The following RBIS variants were observed in gnomAD, a reference collection of about 807,000 sequenced individuals.
The protein encoded by RBIS is ribosome biogenesis factor identified in screen.
A neutral mutation model predicts 9.8 loss-of-function variants in RBIS; 9 were observed. The observed-to-expected ratio is 0.92, with a 90% CI of 0.56 to 1.61. The LOEUF is 1.61. RBIS is among the 40% of genes most tolerant of loss of function. The pLI is 0.00. For synonymous variants in RBIS, 35 were observed against 37.9 expected (o/e 0.92, Z 0.28); for missense variants, 103 against 116.0 (o/e 0.89, Z 0.51).
intron 2 of RBIS, chr8:85,216,448 AG>A (rs550439739): frequency 1.7e-4 from 26 of 152,356 alleles, no homozygotes; most frequent in African/African-American, 6.0e-4. Context: ...TAAAAGTTCT[AG>A]TACCTCCTGT....
rs746420426 is a variant in RBIS, at chr8:85,217,431, A to G, written c.69T>C (p.Phe23=). ...CTGGTTTTGCTTTGTTTTTAGCCTT[A>G]AAGTTTTTTTGGCTGGCTATGTGAA... ...NVFHIASQKN[F]KAKNKAKPVT... is the part of the protein sequence containing the mutation. The change falls in exon 2 of 4, where the codon TTT becomes TTC. Residue 23 remains phenylalanine (F), a synonymous_variant. Transcript: ENST00000619594. 2.2e-5 allele frequency: 36 copies of G among 1,612,752 alleles called. No homozygotes were observed. The South Asian group carries it at 3.2e-4, about 14-fold the overall frequency.
chr8:85,217,800 C>G, intron 1 of RBIS: 1 of 354,072 alleles, frequency 2.8e-6, no homozygotes, highest in Non-Finnish European at 5.2e-6. Flanking sequence ...TTATTCTCAG[C>G]AGTACCTCAC....
chr8:85,214,528 CTTTGTGGAGAATTA>C lies in RBIS; in HGVS notation c.*18_*31del. On this transcript the variant is annotated 3_prime_UTR_variant, in exon 4 of 4. Coordinates refer to ENST00000619594, the MANE Select transcript of RBIS (RefSeq NM_001099673.3). ...TGTATAAAACATTCAATTTATTGGT[CTTTGTGGAGAATTA>C]GATGCATCACCAGTATATTACAACA... is the stretch of plus-strand genomic sequence containing the variant. The C allele has an allele frequency of 7.3e-7, 1 of 1,377,534 alleles. No individual in the cohort carries two copies. The highest frequency in any genetic ancestry group is 1.0e-6 in the Non-Finnish European group (1 of 973,510). 85.3% of individuals were successfully genotyped at this position (1,377,534 alleles called of 1,614,324 possible).
At chr8:85,215,171 T>G (rs1813090237) in intron 2 of RBIS, 134 bp from the exon 3 acceptor site, 1 of 462,428 alleles carries the variant, frequency 2.2e-6, no homozygotes, top group Non-Finnish European at 3.8e-6. Context: ...TCAAAAATTC[T>G]TATAGTCTTA....
Position 85,214,410 on chromosome 8 carries a change from C to T in RBIS, c.*150G>A. 3 of 644,322 alleles carry T rather than the reference C, an allele frequency of 4.7e-6. No homozygotes were observed. The highest frequency in any genetic ancestry group is 8.3e-6 in the Non-Finnish European group (3 of 362,272). The allele number at this position is 644,322 out of a possible 1,614,324, so 39.9% of individuals were successfully genotyped here. The stretch of plus-strand genomic sequence containing the variant: ...CACATTTTGTTGACTTCTGACATTC[C>T]ACTTTCCTAGGTTATAGGAAAGATC... On this transcript the variant is annotated 3_prime_UTR_variant, in exon 4 of 4. Transcript: ENST00000619594.
intron 3 of RBIS, 28 bp downstream of exon 3, chr8:85,214,893 T>TA (rs757702699): frequency 2.2e-4 from 273 of 1,232,662 alleles, no homozygotes; most frequent in Non-Finnish European, 2.8e-4. Context: ...TTGTTAGCCA[T>TA]AAAAAAAAGC....
chr8:85,215,773 T>A (rs993775608), intron 2 of RBIS: 11 of 152,280 alleles, frequency 7.2e-5, no homozygotes, highest in Admixed American at 3.3e-4. Context: ...TTTCCTGGGT[T>A]CTGTGAGCTG....
rs1813025518 is a variant in RBIS at position 85,214,052 on chromosome 8, G to C, written c.*508C>G. 1.7e-6 allele frequency: 1 copy of C among 595,020 alleles called. No homozygotes were observed. Among genetic ancestry groups the C allele is most frequent in the East Asian group, 3.1e-5 (1 of 32,484 alleles). The allele number at this position is 595,020 out of a possible 1,614,324, so 36.9% of individuals were successfully genotyped here. Reference sequence around the variant, plus strand: ...AAAACAAAGGGCTCTGATTGCTTTAGGGGATAAGTGATTTAATATCCACAA... The same window carrying C: ...AAAACAAAGGGCTCTGATTGCTTTACGGGATAAGTGATTTAATATCCACAA... On this transcript the variant is annotated 3_prime_UTR_variant, in exon 4 of 4. Coordinates refer to ENST00000619594, the MANE Select transcript of RBIS (RefSeq NM_001099673.3).
intron 2 of RBIS, 37 bp from the exon 3 acceptor site, chr8:85,215,074 A>G: frequency 1.2e-6 from 1 of 823,776 alleles, no homozygotes; most frequent in Non-Finnish European, 1.9e-6. Flanking sequence ...CTATGATCTC[A>G]TAACCATTAA....
intron 1 of RBIS, chr8:85,219,246 T>C (rs1360580878): frequency 6.6e-6 from 1 of 152,244 alleles, no homozygotes; most frequent in East Asian, 1.9e-4. Context: ...CTTTGCTCAG[T>C]CGTAGTCTTG....
At chr8:85,217,752 G>C (rs1813208650) in intron 1 of RBIS, 1 of 495,384 alleles carries the variant, frequency 2.0e-6, no homozygotes. Flanking sequence ...ATTAATATCT[G>C]CTGGTTGAAT....
intron 2 of RBIS, chr8:85,216,054 G>T (rs1473680568): frequency 1.3e-5 from 2 of 152,182 alleles, no homozygotes; most frequent in African/African-American, 2.4e-5. Flanking sequence ...ATCTAGTATT[G>T]GAAGTGTTGA....
At position 85,214,160 on chromosome 8, in the gene RBIS, G is replaced by T; in HGVS notation, c.*400C>A. 1 of 537,396 alleles carries T rather than the reference G, an allele frequency of 1.9e-6. No homozygotes were observed. Among genetic ancestry groups the T allele is most frequent in the Non-Finnish European group, 3.5e-6 (1 of 282,194 alleles). 33.3% of individuals were successfully genotyped at this position (537,396 alleles called of 1,614,324 possible). ...AATCCTTCTGTTTTTTCTTCTTAAGGAGGAAAGTTAAAGGACACTACAGGT... is the reference window on the plus strand; with the variant it reads ...AATCCTTCTGTTTTTTCTTCTTAAGTAGGAAAGTTAAAGGACACTACAGGT... On this transcript the variant is annotated 3_prime_UTR_variant, in exon 4 of 4. Transcript: ENST00000619594.
At chr8:85,219,571 G>A (rs1428730480) in intron 1 of RBIS, among the ~76,000 whole-genome samples, 1 of 151,858 alleles carries the variant, frequency 6.6e-6, no homozygotes, top group African/African-American at 2.4e-5. Context: ...CCAACATGAT[G>A]AAACCCCGTT....
chr8:85,215,126 T>C, intron 2 of RBIS, 89 bp from the exon 3 acceptor site: 1 of 501,018 alleles, frequency 2.0e-6, no homozygotes, highest in East Asian at 3.4e-5. Context: ...ATCTAAAATC[T>C]AAAAACTCTT....
At chr8:85,215,145 A>G (rs1010872836) in intron 2 of RBIS, 108 bp from the exon 3 acceptor site, 24 of 473,596 alleles carry the variant, frequency 5.1e-5, no homozygotes, top group Middle Eastern at 5.7e-4. Flanking sequence ...TTACCAACAA[A>G]TTAGGGATAA....
rs1813323124 is a variant in RBIS, at chr8:85,220,314, T to C, written c.-12A>G. 1 of 152,270 alleles carries C rather than the reference T, an allele frequency of 6.6e-6. No homozygotes were observed. Among genetic ancestry groups the C allele is most frequent in the African/African-American group, 2.4e-5 (1 of 41,458 alleles). The allele number at this position is 152,270 out of a possible 1,614,324, so 9.4% of individuals were successfully genotyped here. On this transcript the variant is annotated 5_prime_UTR_variant, in exon 1 of 4. Coordinates refer to ENST00000619594, the MANE Select transcript of RBIS (RefSeq NM_001099673.3). ...ATTTATTAAACTCTCACCAGAAGTT[T>C]AACACTTGCGTGCAGCTTTTTAAGC...
In RBIS at chr8:85,217,442, G is replaced by T. The variant is rs758363996; in HGVS notation, c.58C>A (p.Gln20Lys). The T allele has an allele frequency of 6.2e-6, 10 of 1,612,470 alleles. No individual in the cohort carries two copies. In the South Asian group the frequency reaches 1.1e-4, roughly 18 times the overall value. The change falls in exon 2 of 4, where the codon CAA becomes AAA. Residue 20 changes from glutamine (Q) to lysine (K), a missense_variant. Transcript: ENST00000619594. ...TTGTTTTTAGCCTTAAAGTTTTTTT[G>T]GCTGGCTATGTGAAATACATTCCTG... ...KSRNVFHIASQKNFKAKNKAK... is the reference protein window; with the variant it reads ...KSRNVFHIASKKNFKAKNKAK...
chr8:85,214,847 T>G, intron 3 of RBIS, 74 bp downstream of exon 3: 1 of 870,656 alleles, frequency 1.1e-6, no homozygotes, highest in East Asian at 2.6e-5. Context: ...ACTTACAGGC[T>G]TTGAAAACTT....
Sources: gnomAD v4.1 joint callset for allele counts (sites outside exome capture counted in the v4.1 genomes callset) on GRCh38, gnomAD v4.1.1 for gene constraint, MANE v1.5 for transcripts, NCBI Gene and HGNC (gene_info 2026-07-23, HGNC 2026-07-21) for gene names.